ATP2B4: variants seen among roughly 807,000 people sequenced by gnomAD.
The protein encoded by ATP2B4 is ATPase plasma membrane Ca2+ transporting 4.
ATP2B4 carries 39 observed loss-of-function variants against 110.3 expected under a neutral mutation model. That is an observed-to-expected ratio of 0.35 (90% CI 0.27 to 0.46). The LOEUF is 0.46. Among genes scored for constraint, ATP2B4 ranks in the 20% least tolerant of loss-of-function variants. The pLI is 1.00. For synonymous variants in ATP2B4, 538 were observed against 571.7 expected (o/e 0.94, Z 0.84); for missense variants, 1,135 against 1,530.9 (o/e 0.74, Z 4.32).
chr1:203,661,053 T>C (rs948640407), intron 1 of ATP2B4, among the ~76,000 whole-genome samples: 2 of 151,278 alleles, frequency 1.3e-5, no homozygotes, highest in Non-Finnish European at 2.9e-5. Flanking sequence ...GAGGTTACAG[T>C]GAGCTGAGAT....
Position 203,700,085 on chromosome 1 carries a change from G to A in ATP2B4, c.650-121G>A, listed in dbSNP as rs1293829147. 3.3e-6 allele frequency: 4 copies of A among 1,204,404 alleles called. No homozygotes were observed. The African/African-American group carries it at 6.1e-5, about 18-fold the overall frequency. The allele number at this position is 1,204,404 out of a possible 1,614,324, so 74.6% of individuals were successfully genotyped here. Reference sequence around the variant, plus strand: ...GAGTCTCCATGTACTCTCGGCCATTGCTGTCTAGATAGGGCCCATGGGAAC... The same window carrying A: ...GAGTCTCCATGTACTCTCGGCCATTACTGTCTAGATAGGGCCCATGGGAAC... On this transcript the variant is annotated intron_variant, in intron 4 of 20. Transcript: ENST00000357681.
rs1667040961 is a variant in ATP2B4, at chr1:203,743,963, CCAG to C, written c.*4110_*4112del. 1 of 152,516 alleles carries C rather than the reference CCAG, an allele frequency of 6.6e-6. No individual in the cohort carries two copies. The highest frequency in any genetic ancestry group is 1.5e-5 in the Non-Finnish European group (1 of 68,036). 9.4% of individuals were successfully genotyped at this position (152,516 alleles called of 1,614,324 possible). ...ATTCAAATGTGTTGTTCCACTGAGACCAGAAGAAGAAGAGGAGTTTTAAAAGGG... is the reference window on the plus strand; with the variant it reads ...ATTCAAATGTGTTGTTCCACTGAGACAAGAAGAAGAGGAGTTTTAAAAGGG... On this transcript the variant is annotated 3_prime_UTR_variant, in exon 21 of 21. Transcript: ENST00000357681.
intron 1 of ATP2B4, among the ~76,000 whole-genome samples, chr1:203,641,644 T>C (rs1371908943): frequency 6.6e-6 from 1 of 152,168 alleles, no homozygotes. Flanking sequence ...TAATCCTTAC[T>C]ACACTCTTAC....
intron 1 of ATP2B4, among the ~76,000 whole-genome samples, chr1:203,632,292 C>T (rs1368190827): frequency 6.6e-6 from 1 of 150,586 alleles, no homozygotes; most frequent in Non-Finnish European, 1.5e-5. Context: ...AAAACCAAGA[C>T]ATAGTACAGT....
In ATP2B4 at chr1:203,682,826, T is replaced by C; in HGVS notation, c.-380T>C. The C allele has an allele frequency of 6.2e-6, 1 of 161,438 alleles. No individual in the cohort carries two copies. The highest frequency in any genetic ancestry group is 1.3e-5 in the Non-Finnish European group (1 of 74,254). 10.0% of individuals were successfully genotyped at this position (161,438 alleles called of 1,614,324 possible). ...CTACAGTTGCTGGTTGTTGCTAAGG[T>C]TGCTGCCATGGTAACATGCACATCC... On this transcript the variant is annotated 5_prime_UTR_variant, in exon 2 of 21. Coordinates refer to ENST00000357681, the MANE Select transcript of ATP2B4 (RefSeq NM_001684.5).
rs74137843 is a variant in ATP2B4 at position 203,675,237 on chromosome 1, G to A, written c.-464-7505G>A. Among the ~76,000 whole-genome samples, 258 of 152,250 alleles carry A rather than the reference G, an allele frequency of 1.7e-3. 3 individuals carry two copies. The highest frequency in any genetic ancestry group is 5.9e-3 in the African/African-American group (247 of 41,532). On this transcript the variant is annotated intron_variant, in intron 1 of 20. Transcript: ENST00000357681. Reference sequence around the variant, plus strand: ...GGCTGTCAACCTTGGGTCAATTCTTGGTATCGCTGTTTGGAGAAAGCTTTT... The same window carrying A: ...GGCTGTCAACCTTGGGTCAATTCTTAGTATCGCTGTTTGGAGAAAGCTTTT...
chr1:203,690,223 A>T (rs1242282299), intron 2 of ATP2B4, among the ~76,000 whole-genome samples: 1 of 152,096 alleles, frequency 6.6e-6, no homozygotes, highest in Non-Finnish European at 1.5e-5. Context: ...GGCATGTTTT[A>T]CCAGGAATTG....
At position 203,710,959 on chromosome 1, in the gene ATP2B4, G is replaced by A. The variant is rs202078378; in HGVS notation, c.1882G>A (p.Glu628Lys). The change falls in exon 12 of 21, where the codon GAG (glutamate) becomes AAG (lysine). Residue 628 changes from glutamate to lysine, a missense_variant. This residue lies in a region of ATP2B4 where 368 missense variants were observed against 455.9 expected (regional missense o/e 0.81). Coordinates refer to ENST00000357681, the MANE Select transcript of ATP2B4 (RefSeq NM_001684.5). ...AGATGATATGGTACGCACTGTCATC[G>A]AGCCCATGGCCTGTGATGGACTCCG... is the stretch of plus-strand genomic sequence containing the variant. Reference protein sequence around the residue: ...DRDDMVRTVIEPMACDGLRTI... With the variant: ...DRDDMVRTVIKPMACDGLRTI... 9.9e-6 allele frequency: 16 copies of A among 1,614,060 alleles called. No individual in the cohort carries two copies. Among genetic ancestry groups the A allele is most frequent in the Admixed American group, 1.7e-5 (1 of 60,006 alleles).
intron 1 of ATP2B4, among the ~76,000 whole-genome samples, chr1:203,650,684 G>A (rs901720559): frequency 3.3e-5 from 5 of 152,162 alleles, no homozygotes; most frequent in African/African-American, 9.7e-5. Context: ...TAGGGCGAGC[G>A]AGGCTGCCAC....
intron 1 of ATP2B4, among the ~76,000 whole-genome samples, chr1:203,630,364 TC>T (rs1663226971): frequency 5.1e-5 from 1 of 19,788 alleles, no homozygotes; most frequent in African/African-American, 8.8e-5. Flanking sequence ...TCTCTCTCTC[TC>T]TCTCTTTTTT....
chr1:203,641,758 G>A (rs1191733109), intron 1 of ATP2B4, among the ~76,000 whole-genome samples: 1 of 152,130 alleles, frequency 6.6e-6, no homozygotes, highest in Non-Finnish European at 1.5e-5. Context: ...GCTGATATGT[G>A]ACCCAGGCCT....
At chr1:203,696,473 C>A (rs905536017) in intron 2 of ATP2B4, among the ~76,000 whole-genome samples, 1 of 152,206 alleles carries the variant, frequency 6.6e-6, no homozygotes, top group African/African-American at 2.4e-5. Context: ...CAGCTGCTAA[C>A]CTTTTTTCAA....
intron 19 of ATP2B4, among the ~76,000 whole-genome samples, chr1:203,726,524 C>T (rs1351891234): frequency 6.6e-6 from 1 of 152,050 alleles, no homozygotes; most frequent in East Asian, 1.9e-4. Context: ...CTGGCTCTTG[C>T]CTCACATGTG....
At chr1:203,730,026 G>A (rs888903488) in intron 20 of ATP2B4, among the ~76,000 whole-genome samples, 11 of 152,100 alleles carry the variant, frequency 7.2e-5, no homozygotes, top group African/African-American at 2.2e-4. Flanking sequence ...CAATCATGCC[G>A]AAAAAGTGGC....
At chr1:203,663,867 T>A (rs997584130) in intron 1 of ATP2B4, among the ~76,000 whole-genome samples, 2 of 152,100 alleles carry the variant, frequency 1.3e-5, no homozygotes, top group Admixed American at 1.3e-4. Context: ...GCCTCCTGAG[T>A]CTCTGGGATT....
intron 2 of ATP2B4, among the ~76,000 whole-genome samples, chr1:203,694,839 G>C (rs1005651871): frequency 2.5e-4 from 38 of 152,168 alleles, no homozygotes; most frequent in African/African-American, 8.9e-4. Flanking sequence ...CCAGATGAGA[G>C]AGGATGGTTT....
At chr1:203,664,002 C>T (rs867263992) in intron 1 of ATP2B4, among the ~76,000 whole-genome samples, 1 of 152,184 alleles carries the variant, frequency 6.6e-6, no homozygotes, top group Non-Finnish European at 1.5e-5. Flanking sequence ...GAGTGAGTCA[C>T]TTCACCTTTA....
chr1:203,666,724 T>C (rs1664515228), intron 1 of ATP2B4, among the ~76,000 whole-genome samples: 2 of 152,200 alleles, frequency 1.3e-5, no homozygotes, highest in Non-Finnish European at 2.9e-5. Flanking sequence ...TGCCCTGTTA[T>C]GGAAACTTCT....
In ATP2B4 at chr1:203,710,934, A is replaced by G. The variant is rs762040427; in HGVS notation, c.1857A>G (p.Arg619=). Residue 619 remains arginine (R), a synonymous_variant, in exon 12 of 21, where the codon AGA becomes AGG. Transcript: ENST00000357681. ...CAGTGCCATTCAAGAATAAAGACAG[A>G]GATGATATGGTACGCACTGTCATCG... The part of the protein sequence containing the change: ...GEAVPFKNKD[R]DDMVRTVIEP... 2.5e-6 allele frequency: 4 copies of G among 1,613,976 alleles called. No homozygotes were observed. The African/African-American group carries it at 5.3e-5, about 22-fold the overall frequency.
Sources: allele counts gnomAD v4.1 joint callset (sites outside exome capture counted in the v4.1 genomes callset), GRCh38; gene constraint gnomAD v4.1.1; regional missense constraint gnomAD v4.1.1; transcripts MANE v1.5; gene names NCBI Gene and HGNC (gene_info 2026-07-23, HGNC 2026-07-21).